RNF216: variants seen among roughly 807,000 people sequenced by gnomAD.
The protein encoded by RNF216 is ring finger protein 216, also known as E3 ubiquitin-protein ligase RNF216.
In RNF216, 72 loss-of-function variants were observed where a neutral mutation model predicts 110.8. The ratio of observed to expected loss-of-function variants is 0.65; its 90% CI spans 0.54 to 0.79. The LOEUF is 0.79. Ranked by LOEUF, RNF216 falls within the 30% of genes least tolerant of loss-of-function variation. The pLI, the probability that RNF216 is intolerant of heterozygous loss-of-function variation, is 0.00. For missense variants in RNF216, 1,342 were observed against 1,141.2 expected (o/e 1.18, Z -2.54); for synonymous variants, 495 against 407.5 (o/e 1.21, Z -2.59).
chr7:5,699,359 C>T (rs1053946786), intron 13 of RNF216, among the ~76,000 whole-genome samples: 2 of 152,228 alleles, frequency 1.3e-5, no homozygotes, highest in Non-Finnish European at 2.9e-5. Context: ...ACTCCTGATG[C>T]TGTCACTTAC....
At chr7:5,769,521 A>G (rs1001392237) in intron 1 of RNF216, among the ~76,000 whole-genome samples, 11 of 151,288 alleles carry the variant, frequency 7.3e-5, no homozygotes, top group African/African-American at 9.7e-5. Flanking sequence ...TCAGGAGTTC[A>G]AGACCAGCCT....
At chr7:5,715,408 C>T (rs992718676) in intron 10 of RNF216, among the ~76,000 whole-genome samples, 2 of 152,090 alleles carry the variant, frequency 1.3e-5, no homozygotes, top group Non-Finnish European at 2.9e-5. Context: ...GCGAGGTTTT[C>T]GTGTTTTTTT....
In RNF216 at chr7:5,623,140, G is replaced by A. The variant is rs1786493735; in HGVS notation, c.2492C>T (p.Pro831Leu). The change falls in exon 17 of 17, where the codon CCT becomes CTT. Residue 831 changes from proline (P) to leucine (L), a missense_variant. Transcript: ENST00000389902. Reference sequence around the variant, plus strand: ...CTCCACCCTCTGCACCTTCTCCACAGGCTTCTCCAGCGGGGGTCCAATGCG... The same window carrying A: ...CTCCACCCTCTGCACCTTCTCCACAAGCTTCTCCAGCGGGGGTCCAATGCG... ...FKRIGPPLEKPVEKVQRVEAL... is the reference protein window; with the variant it reads ...FKRIGPPLEKLVEKVQRVEAL... The A allele has an allele frequency of 1.9e-6, 3 of 1,588,878 alleles. No individual in the cohort carries two copies. The highest frequency in any genetic ancestry group is 2.6e-6 in the Non-Finnish European group (3 of 1,162,210).
At chr7:5,712,989 T>C in intron 11 of RNF216, 126 bp from the exon 12 acceptor site, 2 of 864,294 alleles carry the variant, frequency 2.3e-6, no homozygotes, top group Admixed American at 3.0e-5. Flanking sequence ...TGTTCATCTC[T>C]GAGAAATCAC....
chr7:5,649,095 C>T (rs965544531), intron 14 of RNF216, among the ~76,000 whole-genome samples: 9 of 152,072 alleles, frequency 5.9e-5, no homozygotes, highest in African/African-American at 1.2e-4. Context: ...AAGAAAGTGA[C>T]GGCCGGGCGG....
At position 5,671,805 on chromosome 7, in the gene RNF216, C is replaced by CAAAAAAAAAAAAAAAAA. The variant is rs11319565; in HGVS notation, c.2062-19312_2062-19296dup. ...GAGCAAAGAGACCAAAACTCCGTCT[C>CAAAAAAAAAAAAAAAAA]AAAAAAAAAAAAAAAAAAAAAAAAG... On this transcript the variant is annotated intron_variant, in intron 13 of 16. Transcript: ENST00000389902. Among the ~76,000 whole-genome samples the CAAAAAAAAAAAAAAAAA allele has an allele frequency of 1.5e-3, 81 of 54,216 alleles. 1 individual carries two copies. The highest frequency in any genetic ancestry group is 2.1e-3 in the South Asian group (3 of 1,402). The allele number at this position is 54,216 out of a possible 152,430, so 35.6% of individuals were successfully genotyped here.
At chr7:5,626,231 T>C (rs1786693762) in intron 15 of RNF216, among the ~76,000 whole-genome samples, 1 of 151,952 alleles carries the variant, frequency 6.6e-6, no homozygotes, top group Non-Finnish European at 1.5e-5. Flanking sequence ...AAGGGGGAAC[T>C]TACTACCTTC....
At chr7:5,712,215 C>G (rs1011940245) in intron 12 of RNF216, among the ~76,000 whole-genome samples, 1 of 152,162 alleles carries the variant, frequency 6.6e-6, no homozygotes, top group Non-Finnish European at 1.5e-5. Context: ...CGCGGTGGCT[C>G]ACGCCTGTAG....
At chr7:5,755,516 G>C (rs1213973111) in intron 2 of RNF216, among the ~76,000 whole-genome samples, 1 of 152,148 alleles carries the variant, frequency 6.6e-6, no homozygotes, top group African/African-American at 2.4e-5. Flanking sequence ...CCCAATTTCT[G>C]CTCTCCTTCG....
intron 13 of RNF216, among the ~76,000 whole-genome samples, chr7:5,656,151 C>G (rs1173721147): frequency 6.6e-6 from 1 of 152,124 alleles, no homozygotes; most frequent in East Asian, 1.9e-4. Flanking sequence ...CTTCTGTAAT[C>G]CCAGCTACTC....
At chr7:5,747,580 T>C (rs1242517563) in intron 3 of RNF216, among the ~76,000 whole-genome samples, 1 of 151,828 alleles carries the variant, frequency 6.6e-6, no homozygotes, top group Non-Finnish European at 1.5e-5. Context: ...AGGTTTTGTC[T>C]GTTTTTTAAA....
At chr7:5,625,540 C>T (rs1786654649) in intron 15 of RNF216, among the ~76,000 whole-genome samples, 1 of 152,192 alleles carries the variant, frequency 6.6e-6, no homozygotes, top group Admixed American at 6.5e-5. Context: ...GGCTAACCAA[C>T]GGACAGTTTG....
At chr7:5,715,238 A>G in intron 10 of RNF216, 48 bp from the exon 11 acceptor site, 1 of 1,578,610 alleles carries the variant, frequency 6.3e-7, no homozygotes, top group Non-Finnish European at 8.6e-7. Context: ...ACTTAAGGAG[A>G]GGGGGAGCCT....
intron 13 of RNF216, among the ~76,000 whole-genome samples, chr7:5,674,535 G>A (rs1346233316): frequency 6.6e-6 from 1 of 151,604 alleles, no homozygotes; most frequent in Non-Finnish European, 1.5e-5. Flanking sequence ...GGCCAAGGTG[G>A]GAGGATCACT....
At chr7:5,743,029 A>G (rs1294261757) in intron 3 of RNF216, among the ~76,000 whole-genome samples, 1 of 152,176 alleles carries the variant, frequency 6.6e-6, no homozygotes, top group Non-Finnish European at 1.5e-5. Context: ...CAGGGAGGCC[A>G]AGGCAGGCGG....
At chr7:5,778,746 AATT>A (rs143763679) in intron 1 of RNF216, among the ~76,000 whole-genome samples, 59,652 of 151,786 alleles carry the variant, frequency 0.39, 12,471 homozygotes, top group Admixed American at 0.49. Flanking sequence ...CTTTTTTTAA[AATT>A]ATTATTATTT....
intron 1 of RNF216, among the ~76,000 whole-genome samples, chr7:5,768,993 G>A (rs1249937129): frequency 6.6e-6 from 1 of 151,682 alleles, no homozygotes; most frequent in East Asian, 1.9e-4. Flanking sequence ...CATTAACGAA[G>A]AAATTACAAT....
At position 5,651,424 on chromosome 7, in the gene RNF216, G is replaced by T. The variant is rs532068187; in HGVS notation, c.2159+989C>A. On this transcript the variant is annotated intron_variant, in intron 14 of 16. Transcript: ENST00000389902. ...ATTTTTTATTTTTTGTAGAGATGAG[G>T]TTTTACCATATTGCCCAGGCTGGTC... Among the ~76,000 whole-genome samples, 220 of 151,794 alleles carry T rather than the reference G, an allele frequency of 1.4e-3. 1 individual carries two copies. Among genetic ancestry groups the T allele is most frequent in the African/African-American group, 5.1e-3 (211 of 41,354 alleles).
intron 13 of RNF216, among the ~76,000 whole-genome samples, chr7:5,654,093 A>C (rs1788577681): frequency 6.6e-6 from 1 of 152,148 alleles, no homozygotes; most frequent in South Asian, 2.1e-4. Context: ...TGGAGGGAGG[A>C]AAGAGTGAAC....
Sources: gnomAD v4.1 joint callset for allele counts (sites outside exome capture counted in the v4.1 genomes callset) on GRCh38, gnomAD v4.1.1 for gene constraint, MANE v1.5 for transcripts, NCBI Gene and HGNC (gene_info 2026-07-23, HGNC 2026-07-21) for gene names.